Variants in ALMS1 observed in about 807,000 individuals in gnomAD.
The protein encoded by ALMS1 is centrosome-associated protein ALMS1.
In ALMS1, 271 loss-of-function variants were observed where a neutral mutation model predicts 352.2. The observed-to-expected ratio is 0.77, with a 90% CI of 0.70 to 0.85. The LOEUF is 0.85. Among genes scored for constraint, ALMS1 ranks in the 40% least tolerant of loss-of-function variants. ALMS1 has a pLI of 0.00. For synonymous variants in ALMS1, 1,865 were observed against 1,761.2 expected (o/e 1.06, Z -1.48); for missense variants, 5,445 against 4,870.7 (o/e 1.12, Z -3.51).
chr2:73,458,430 C>T (rs1430572126), intron 9 of ALMS1: 1 of 152,114 alleles, frequency 6.6e-6, no homozygotes, highest in Non-Finnish European at 1.5e-5. Flanking sequence ...ATGCGCCATC[C>T]TCATCTATAG....
At chr2:73,416,621 C>G (rs1671186034) in intron 2 of ALMS1, among the ~76,000 whole-genome samples, 2 of 152,112 alleles carry the variant, frequency 1.3e-5, no homozygotes, top group South Asian at 4.2e-4. Context: ...GGATTCTGTA[C>G]CACCCGGGAA....
At chr2:73,539,859 T>C (rs1674126006) in intron 12 of ALMS1, among the ~76,000 whole-genome samples, 1 of 152,072 alleles carries the variant, frequency 6.6e-6, no homozygotes, top group Non-Finnish European at 1.5e-5. Context: ...CTCCAAGAAA[T>C]ATGAGACTAT....
At chr2:73,427,500 T>G (rs1483007697) in intron 6 of ALMS1, among the ~76,000 whole-genome samples, 1 of 152,180 alleles carries the variant, frequency 6.6e-6, no homozygotes, top group Non-Finnish European at 1.5e-5. Context: ...TCAGCCTTTT[T>G]TTTTTAAATT....
chr2:73,399,114 G>A (rs1380270276), intron 1 of ALMS1, among the ~76,000 whole-genome samples: 2 of 152,126 alleles, frequency 1.3e-5, no homozygotes, highest in African/African-American at 4.8e-5. Flanking sequence ...GCCTCCCAAA[G>A]TGCTGGGATT....
intron 1 of ALMS1, among the ~76,000 whole-genome samples, chr2:73,386,461 T>C (rs1330443312): frequency 6.6e-6 from 1 of 152,016 alleles, no homozygotes; most frequent in African/African-American, 2.4e-5. Flanking sequence ...GCATTCCCCG[T>C]GAGAAACGCT....
chr2:73,505,298 C>T (rs929741437), intron 10 of ALMS1, among the ~76,000 whole-genome samples: 3 of 152,228 alleles, frequency 2.0e-5, no homozygotes, highest in African/African-American at 7.2e-5. Flanking sequence ...AATCACCACA[C>T]TGTCTTCCAC....
At position 73,424,625 on chromosome 2, in the gene ALMS1, T is replaced by C. The variant is rs1558639254; in HGVS notation, c.960T>C (p.Asn320=). 2 of 1,614,026 alleles carry C rather than the reference T, an allele frequency of 1.2e-6. No homozygotes were observed. Reference sequence around the variant, plus strand: ...TTTTACCTTCTGAACAAGGGAATAATGAAGAGACTATTTCGTCTGTTGATG... The same window carrying C: ...TTTTACCTTCTGAACAAGGGAATAACGAAGAGACTATTTCGTCTGTTGATG... ...CPFLPSEQGN[N]EETISSVDEL... The change falls in exon 5 of 23, where the codon AAT becomes AAC. Residue 320 remains asparagine, a synonymous_variant. Coordinates refer to ENST00000613296, the MANE Select transcript of ALMS1 (RefSeq NM_001378454.1).
chr2:73,412,326 T>C (rs1671095167), intron 2 of ALMS1, among the ~76,000 whole-genome samples: 1 of 152,260 alleles, frequency 6.6e-6, no homozygotes, highest in Non-Finnish European at 1.5e-5. Context: ...TTCAGAATAA[T>C]ACGGTGTGTA....
At chr2:73,512,581 CTT>C (rs759187843) in intron 10 of ALMS1, among the ~76,000 whole-genome samples, 2 of 151,914 alleles carry the variant, frequency 1.3e-5, no homozygotes, top group East Asian at 1.9e-4. Context: ...TTTAGAGAAT[CTT>C]TATATATTCT....
intron 7 of ALMS1, among the ~76,000 whole-genome samples, chr2:73,438,785 T>C (rs1178298814): frequency 1.4e-4 from 22 of 152,180 alleles, no homozygotes; most frequent in Admixed American, 1.4e-3. Context: ...GATTTAGTTC[T>C]TACCTCTTCA....
rs148306148 is a variant in ALMS1 at position 73,453,558 on chromosome 2, G to C, written c.7031G>C (p.Cys2344Ser). Residue 2344 changes from cysteine to serine, a missense_variant, in exon 8 of 23, where the codon TGC (cysteine) becomes TCC (serine). Cys to Ser is a moderately radical substitution (Grantham distance 112). Coordinates refer to ENST00000613296, the MANE Select transcript of ALMS1 (RefSeq NM_001378454.1). ...KDIGTQTNLK[C>S]RRGIENWEFI... Reference sequence around the variant, plus strand: ...ATTGGCACACAGACGAATTTGAAATGCCGGAGAGGCATTGAAAATTGGGAG... The same window carrying C: ...ATTGGCACACAGACGAATTTGAAATCCCGGAGAGGCATTGAAAATTGGGAG... The C allele has an allele frequency of 1.2e-6, 2 of 1,613,886 alleles. No individual in the cohort carries two copies. Among genetic ancestry groups the C allele is most frequent in the Non-Finnish European group, 1.7e-6 (2 of 1,179,980 alleles).
At chr2:73,547,989 T>C (rs1016825429) in intron 12 of ALMS1, among the ~76,000 whole-genome samples, 9 of 152,066 alleles carry the variant, frequency 5.9e-5, no homozygotes, top group Non-Finnish European at 1.0e-4. Flanking sequence ...GTGAAAAAAA[T>C]GTCTGGCGTG....
chr2:73,448,143 A>G lies in ALMS1; in HGVS notation c.1616A>G (p.Gln539Arg), dbSNP rs1572931409. The G allele has an allele frequency of 1.2e-6, 2 of 1,614,026 alleles. No homozygotes were observed. The highest frequency in any genetic ancestry group is 8.5e-7 in the Non-Finnish European group (1 of 1,179,912). ...GGTCAACACACTGATACTCTCAACC[A>G]AAAGACATTAGCAGATACTCATCTA... ...TTGQHTDTLN[Q>R]KTLADTHLTE... Residue 539 changes from glutamine to arginine, a missense_variant, in exon 8 of 23, where the codon CAA becomes CGA. Gln to Arg is a conservative substitution (Grantham distance 43, BLOSUM62 1). Transcript: ENST00000613296.
chr2:73,385,841 C>A lies in ALMS1; in HGVS notation c.-28C>A, dbSNP rs2104055822. 2 of 706,166 alleles carry A rather than the reference C, an allele frequency of 2.8e-6. No homozygotes were observed. The highest frequency in any genetic ancestry group is 3.7e-4 in the Middle Eastern group (1 of 2,738). The allele number at this position is 706,166 out of a possible 1,614,324, so 43.7% of individuals were successfully genotyped here. A position where few individuals can be genotyped will look rare whatever the true frequency, so the allele number is the denominator to read the frequency against. On this transcript the variant is annotated 5_prime_UTR_variant, in exon 1 of 23. Coordinates refer to ENST00000613296, the MANE Select transcript of ALMS1 (RefSeq NM_001378454.1). ...CCCTCCCTCCCCCCCTCCTCCTCCTCCTCTGCCGCCCAGAGCGAGACACCA... is the reference window on the plus strand; with the variant it reads ...CCCTCCCTCCCCCCCTCCTCCTCCTACTCTGCCGCCCAGAGCGAGACACCA...
intron 10 of ALMS1, among the ~76,000 whole-genome samples, chr2:73,509,633 TAGTCTGATGGGCTTCCCTTTATGGGTA>T (rs1249158839): frequency 6.6e-6 from 1 of 152,246 alleles, no homozygotes; most frequent in Non-Finnish European, 1.5e-5. Context: ...GATCTGCTGT[TAGTCTGATGGGCTTCCCTTTATGGGTA>T]ACCTGACCTT....
At chr2:73,488,796 C>G (rs1457455872) in intron 9 of ALMS1, among the ~76,000 whole-genome samples, 1 of 152,178 alleles carries the variant, frequency 6.6e-6, no homozygotes, top group Non-Finnish European at 1.5e-5. Context: ...GTTATAATGA[C>G]TGTATAGGTA....
rs745970034 is a variant in ALMS1 at position 73,490,767 on chromosome 2, A to G, written c.8808A>G (p.Pro2936=). 9 of 1,614,002 alleles carry G rather than the reference A, an allele frequency of 5.6e-6. No individual in the cohort carries two copies. The highest frequency in any genetic ancestry group is 2.7e-5 in the African/African-American group (2 of 74,916). The change falls in exon 10 of 23, where the codon CCA becomes CCG. Residue 2936 remains proline, a synonymous_variant. Coordinates refer to ENST00000613296, the MANE Select transcript of ALMS1 (RefSeq NM_001378454.1). ...QRELFEQCKA[P]YVDHQMRENH... Reference sequence around the variant, plus strand: ...AACTCTTTGAACAGTGCAAAGCCCCATATGTAGATCATCAAATGAGAGAAA... The same window carrying G: ...AACTCTTTGAACAGTGCAAAGCCCCGTATGTAGATCATCAAATGAGAGAAA...
Position 73,603,294 on chromosome 2 carries a change from A to T in ALMS1, c.12352A>T (p.Arg4118Trp), listed in dbSNP as rs752138857. 1 of 1,614,114 alleles carries T rather than the reference A, an allele frequency of 6.2e-7. No individual in the cohort carries two copies. Among genetic ancestry groups the T allele is most frequent in the Non-Finnish European group, 8.5e-7 (1 of 1,179,982 alleles). ...TATCAGCAAGAAGGAAATGATTCAG[A>T]GGTCCAAACGGTAAGACCAAGAAAA... ...KPISKKEMIQ[R>W]SKRIYEQLPE... The change falls in exon 21 of 23, where the codon AGG (arginine) becomes TGG (tryptophan). Residue 4118 changes from arginine to tryptophan, a missense_variant. Arg to Trp is a moderately radical substitution (Grantham distance 101). Coordinates refer to ENST00000613296, the MANE Select transcript of ALMS1 (RefSeq NM_001378454.1).
intron 12 of ALMS1, among the ~76,000 whole-genome samples, chr2:73,535,839 G>T (rs961841168): frequency 6.6e-6 from 1 of 152,054 alleles, no homozygotes; most frequent in Non-Finnish European, 1.5e-5. Flanking sequence ...TAGACAAATT[G>T]TTTTTTCCAT....
Sources: allele counts gnomAD v4.1 joint callset (sites outside exome capture counted in the v4.1 genomes callset), GRCh38; gene constraint gnomAD v4.1.1; transcripts MANE v1.5; gene names NCBI Gene and HGNC (gene_info 2026-07-23, HGNC 2026-07-21).